ANK3: variants seen among roughly 807,000 people sequenced by gnomAD.
ANK3 encodes the protein ankyrin 3.
In ANK3, 57 loss-of-function variants were observed where a neutral mutation model predicts 370.9. The observed-to-expected ratio is 0.15, with a 90% CI of 0.12 to 0.19. The LOEUF (loss-of-function observed/expected upper bound fraction) is 0.19, where lower values mean the gene tolerates loss of function less well. Ranked by LOEUF, ANK3 falls within the 10% of genes least tolerant of loss-of-function variation. The probability of loss-of-function intolerance (pLI) is 1.00; values close to 1 mark genes in which losing one functional copy is unlikely to be tolerated. For synonymous variants in ANK3, 1,929 were observed against 1,946.3 expected, an observed-to-expected ratio of 0.99 and a Z score of 0.23; for missense variants, 4,439 against 5,302.1, an observed-to-expected ratio of 0.84 and a Z score of 5.06.
At chr10:60,604,549 T>C (rs1272380962) in intron 2 of ANK3, among the ~76,000 whole-genome samples, 1 of 152,188 alleles carries the variant, frequency 6.6e-6, no homozygotes, top group Non-Finnish European at 1.5e-5. Flanking sequence ...ACTCCTCTCC[T>C]GGTTGCATAG....
chr10:60,364,076 T>C (rs1290239737), intron 1 of ANK3, among the ~76,000 whole-genome samples: 10 of 150,496 alleles, frequency 6.6e-5, no homozygotes, highest in Non-Finnish European at 1.5e-4. Context: ...GGCAGATCAC[T>C]GAAGGTCAGG....
intron 7 of ANK3, among the ~76,000 whole-genome samples, chr10:60,240,306 A>ATATATATATTT (rs11282162): frequency 2.3e-4 from 28 of 119,752 alleles, no homozygotes; most frequent in Admixed American, 7.0e-4. Flanking sequence ...ATATATATAT[A>ATATATATATTT]TTTTTTTTTC....
chr10:60,094,550 G>GT (rs1325250682), intron 28 of ANK3, among the ~76,000 whole-genome samples: 2 of 152,008 alleles, frequency 1.3e-5, no homozygotes, highest in African/African-American at 4.8e-5. Flanking sequence ...ATATTTATAA[G>GT]TTTTTTCTCT....
At chr10:60,546,474 T>C (rs1211380321) in intron 2 of ANK3, among the ~76,000 whole-genome samples, 1 of 152,216 alleles carries the variant, frequency 6.6e-6, no homozygotes, top group Non-Finnish European at 1.5e-5. Context: ...ATTAAAAGGA[T>C]CTACAGAAAT....
intron 1 of ANK3, among the ~76,000 whole-genome samples, chr10:60,618,525 A>C (rs1421178170): frequency 6.6e-6 from 1 of 152,196 alleles, no homozygotes; most frequent in Non-Finnish European, 1.5e-5. Context: ...CTGGAGGTAC[A>C]AACACTGAAG....
Position 60,713,442 on chromosome 10 carries a change from T to C in ANK3, c.57+19821A>G, listed in dbSNP as rs543538043. On this transcript the variant is annotated intron_variant, in intron 1 of 43. Coordinates refer to the ANK3 transcript ENST00000373827. ...TAAAGATGCAACTTATCAAAACCTA[T>C]GAAATGCAGCAAAACCAGTGCTTAG... 1.6e-4 allele frequency among the ~76,000 whole-genome samples: 25 copies of C among 152,188 alleles called. No individual in the cohort carries two copies. In the South Asian group the frequency reaches 5.2e-3, roughly 32 times the overall value.
chr10:60,344,174 G>C (rs1254606689), intron 1 of ANK3, among the ~76,000 whole-genome samples: 1 of 152,210 alleles, frequency 6.6e-6, no homozygotes, highest in Non-Finnish European at 1.5e-5. Flanking sequence ...CAAATGAAAA[G>C]AGAACACTGA....
intron 23 of ANK3, among the ~76,000 whole-genome samples, chr10:60,159,440 A>G (rs2095437587): frequency 6.6e-6 from 1 of 152,180 alleles, no homozygotes; most frequent in Non-Finnish European, 1.5e-5. Context: ...TATTAGAGGT[A>G]AAGAGAGAGA....
chr10:60,421,746 T>C (rs1327196592), intron 2 of ANK3, among the ~76,000 whole-genome samples: 1 of 152,054 alleles, frequency 6.6e-6, no homozygotes, highest in Non-Finnish European at 1.5e-5. Context: ...TCTTTTCAAG[T>C]GTGTAGTTAA....
chr10:60,419,447 GA>G (rs1173576386), intron 2 of ANK3, among the ~76,000 whole-genome samples: 3 of 152,156 alleles, frequency 2.0e-5, no homozygotes, highest in Non-Finnish European at 2.9e-5. Flanking sequence ...GCATCTGCTA[GA>G]AAATTTGCAC....
chr10:60,168,874 T>C (rs1001296133), intron 21 of ANK3, among the ~76,000 whole-genome samples: 19 of 152,242 alleles, frequency 1.2e-4, no homozygotes, highest in African/African-American at 3.9e-4. Context: ...GGACATGATA[T>C]CATTCCTTTT....
intron 1 of ANK3, among the ~76,000 whole-genome samples, chr10:60,312,639 C>G (rs908264733): frequency 6.6e-6 from 1 of 152,170 alleles, no homozygotes; most frequent in Non-Finnish European, 1.5e-5. Context: ...ACAGGAAAAA[C>G]AGCTTGTTCA....
At chr10:60,200,683 A>T (rs1215329150) in intron 12 of ANK3, among the ~76,000 whole-genome samples, 1 of 151,884 alleles carries the variant, frequency 6.6e-6, no homozygotes, top group Non-Finnish European at 1.5e-5. Flanking sequence ...ACACCATGCA[A>T]CTTTTCAAAA....
At chr10:60,653,133 G>C (rs2078814473) in intron 1 of ANK3, among the ~76,000 whole-genome samples, 2 of 151,990 alleles carry the variant, frequency 1.3e-5, no homozygotes, top group Non-Finnish European at 2.9e-5. Context: ...TTTTCAAGAA[G>C]CAAAAGTTTT....
chr10:60,318,415 T>A (rs1247421799), intron 1 of ANK3, among the ~76,000 whole-genome samples: 3 of 152,206 alleles, frequency 2.0e-5, no homozygotes, highest in Non-Finnish European at 4.4e-5. Flanking sequence ...ATTTCCAAGA[T>A]CAGACTCTCA....
intron 2 of ANK3, among the ~76,000 whole-genome samples, chr10:60,430,488 G>GGA (rs72511037): frequency 2.0e-5 from 3 of 150,460 alleles, no homozygotes; most frequent in Non-Finnish European, 4.4e-5. Flanking sequence ...TGAAAAATGA[G>GGA]GTTAAATTCG....
intron 2 of ANK3, among the ~76,000 whole-genome samples, chr10:60,483,375 A>G (rs2075272856): frequency 1.3e-5 from 2 of 152,218 alleles, no homozygotes; most frequent in Admixed American, 1.3e-4. Flanking sequence ...TTTTGCATGT[A>G]ATGGGATTTT....
chr10:60,581,554 A>G (rs1415635726), intron 2 of ANK3, among the ~76,000 whole-genome samples: 1 of 150,782 alleles, frequency 6.6e-6, no homozygotes, highest in African/African-American at 2.4e-5. Context: ...CCTCCTGAGT[A>G]GCTGGAATTA....
At chr10:60,133,613 C>T (rs1341777612) in intron 25 of ANK3, among the ~76,000 whole-genome samples, 1 of 152,150 alleles carries the variant, frequency 6.6e-6, no homozygotes, top group Non-Finnish European at 1.5e-5. Flanking sequence ...CATAGATACA[C>T]AGTTTGTTTA....
Sources: allele counts gnomAD v4.1 joint callset (sites outside exome capture counted in the v4.1 genomes callset), GRCh38; gene constraint gnomAD v4.1.1; transcripts MANE v1.5; gene names NCBI Gene and HGNC (gene_info 2026-07-23, HGNC 2026-07-21).